GABRA4: variants seen among roughly 807,000 people sequenced by gnomAD.
GABRA4 encodes the protein gamma-aminobutyric acid receptor subunit alpha-4.
A neutral mutation model predicts 49.7 loss-of-function variants in GABRA4; 12 were observed. The ratio of observed to expected loss-of-function variants is 0.24; its 90% CI spans 0.15 to 0.39. The LOEUF is 0.39. Among genes scored for constraint, GABRA4 ranks in the 10% least tolerant of loss-of-function variants. GABRA4 has a pLI of 1.00. For missense variants in GABRA4, 506 were observed against 686.0 expected (o/e 0.74, Z 2.93); for synonymous variants, 288 against 240.2 (o/e 1.20, Z -1.84).
At chr4:46,982,697 G>A (rs190910464) in intron 2 of GABRA4, among the ~76,000 whole-genome samples, 66 of 152,170 alleles carry the variant, frequency 4.3e-4, no homozygotes, top group Admixed American at 1.0e-3. Flanking sequence ...TCATTGGGAG[G>A]CCACTGAGGG....
chr4:46,957,279 T>TA (rs1288274594), intron 8 of GABRA4, among the ~76,000 whole-genome samples: 13 of 2,356 alleles, frequency 5.5e-3, no homozygotes, highest in African/African-American at 0.011. Flanking sequence ...GAAGGATAAA[T>TA]ACAAAAAAAA....
intron 5 of GABRA4, 134 bp from the exon 6 acceptor site, chr4:46,974,509 A>G: frequency 1.2e-6 from 1 of 829,710 alleles, no homozygotes; most frequent in South Asian, 3.2e-5. Context: ...TTTAGTCACT[A>G]TAATTTAGTT....
Position 46,919,692 on chromosome 4 carries a change from T to A in GABRA4, c.*8533A>T, listed in dbSNP as rs1720903530. Reference sequence around the variant, plus strand: ...AAGAAAGAAGGGAATGGACTTCATATTCCTCAGTTTGTACAACACTTCAGC... The same window carrying A: ...AAGAAAGAAGGGAATGGACTTCATAATCCTCAGTTTGTACAACACTTCAGC... On this transcript the variant is annotated 3_prime_UTR_variant, in exon 9 of 9. Transcript: ENST00000264318. The A allele has an allele frequency of 6.6e-6, 1 of 151,672 alleles. No individual in the cohort carries two copies. The highest frequency in any genetic ancestry group is 1.5e-5 in the Non-Finnish European group (1 of 67,616). The allele number at this position is 151,672 out of a possible 1,614,324, so 9.4% of individuals were successfully genotyped here.
chr4:46,948,052 C>T (rs949405125), intron 8 of GABRA4, among the ~76,000 whole-genome samples: 1 of 152,088 alleles, frequency 6.6e-6, no homozygotes, highest in Non-Finnish European at 1.5e-5. Flanking sequence ...TTACTGCATC[C>T]TTTTACTTAC....
intron 2 of GABRA4, 25 bp from the exon 3 acceptor site, chr4:46,979,123 G>C: frequency 6.8e-7 from 1 of 1,469,004 alleles, no homozygotes; most frequent in Middle Eastern, 1.7e-4. Context: ...GTAAATAAGT[G>C]TGAAAAAATA....
intron 8 of GABRA4, among the ~76,000 whole-genome samples, chr4:46,932,719 G>A (rs1026983589): frequency 1.3e-5 from 2 of 152,022 alleles, no homozygotes; most frequent in African/African-American, 2.4e-5. Context: ...TTATTGCCTT[G>A]TCAGACATTA....
chr4:46,968,229 C>T (rs909532250), intron 7 of GABRA4, among the ~76,000 whole-genome samples: 1 of 151,488 alleles, frequency 6.6e-6, no homozygotes, highest in Admixed American at 6.6e-5. Flanking sequence ...TAAGAAAGTA[C>T]CTTCATAGGC....
chr4:46,921,923 A>T lies in GABRA4; in HGVS notation c.*6302T>A, dbSNP rs376734506. ...TTGACTGGCATATATCTTGGGCAGG[A>T]TGTAGATTTCAATAAGTATCATTAT... On this transcript the variant is annotated 3_prime_UTR_variant, in exon 9 of 9. Transcript: ENST00000264318. 2.6e-5 allele frequency: 4 copies of T among 152,226 alleles called. No individual in the cohort carries two copies. The highest frequency in any genetic ancestry group is 9.6e-5 in the African/African-American group (4 of 41,552). 9.4% of individuals were successfully genotyped at this position (152,226 alleles called of 1,614,324 possible).
intron 8 of GABRA4, among the ~76,000 whole-genome samples, chr4:46,933,695 C>T: frequency 6.6e-6 from 1 of 152,134 alleles, no homozygotes; most frequent in Non-Finnish European, 1.5e-5. Context: ...CATTTTGGTG[C>T]AACTAATGTG....
chr4:46,968,673 T>A (rs992218282), intron 7 of GABRA4, among the ~76,000 whole-genome samples: 22 of 151,700 alleles, frequency 1.5e-4, no homozygotes, highest in African/African-American at 5.3e-4. Flanking sequence ...GTAATACTAA[T>A]ATCCTTACTT....
intron 2 of GABRA4, among the ~76,000 whole-genome samples, chr4:46,983,933 G>A (rs1275351353): frequency 1.3e-5 from 2 of 151,990 alleles, no homozygotes; most frequent in Non-Finnish European, 2.9e-5. Flanking sequence ...CAGTTTTTGG[G>A]AAAGAAAGAG....
intron 8 of GABRA4, among the ~76,000 whole-genome samples, chr4:46,938,763 G>T (rs1293260988): frequency 1.3e-5 from 2 of 151,938 alleles, no homozygotes; most frequent in African/African-American, 4.8e-5. Flanking sequence ...GGTCAAGTGG[G>T]TACTAGAAGA....
At chr4:46,942,032 A>C (rs569138640) in intron 8 of GABRA4, among the ~76,000 whole-genome samples, 2 of 152,282 alleles carry the variant, frequency 1.3e-5, no homozygotes, top group East Asian at 3.9e-4. Context: ...CCAGTAGGAC[A>C]CCAATCAGAT....
chr4:46,959,993 A>C (rs542645317), intron 8 of GABRA4, among the ~76,000 whole-genome samples: 69 of 151,450 alleles, frequency 4.6e-4, no homozygotes, highest in South Asian at 2.1e-3. Flanking sequence ...ATTGAAATAC[A>C]TTGTTTTAAA....
chr4:46,936,355 T>G (rs1423043197), intron 8 of GABRA4, among the ~76,000 whole-genome samples: 1 of 152,180 alleles, frequency 6.6e-6, no homozygotes, highest in Admixed American at 6.5e-5. Context: ...GTTCAAGCAA[T>G]TCTCCTGCCT....
chr4:46,952,822 T>C (rs1722217067), intron 8 of GABRA4, among the ~76,000 whole-genome samples: 1 of 151,980 alleles, frequency 6.6e-6, no homozygotes, highest in Admixed American at 6.6e-5. Flanking sequence ...CACATTGCGA[T>C]ATAAATGGAA....
intron 7 of GABRA4, among the ~76,000 whole-genome samples, chr4:46,969,731 T>C (rs913599258): frequency 4.4e-4 from 67 of 151,622 alleles, no homozygotes; most frequent in African/African-American, 1.6e-3. Flanking sequence ...CATAATTTTA[T>C]GAATGGAGAA....
chr4:46,944,580 T>C (rs1321840221), intron 8 of GABRA4, among the ~76,000 whole-genome samples: 2 of 152,146 alleles, frequency 1.3e-5, no homozygotes, highest in Admixed American at 6.6e-5. Context: ...GATGTCTTAG[T>C]TTAGTTCTAG....
chr4:46,981,441 G>A (rs1159457285), intron 2 of GABRA4, among the ~76,000 whole-genome samples: 4 of 151,956 alleles, frequency 2.6e-5, no homozygotes, highest in Non-Finnish European at 5.9e-5. Context: ...TATAACCTTA[G>A]CATTTGTGAC....
Sources: gnomAD v4.1 joint callset for allele counts (sites outside exome capture counted in the v4.1 genomes callset) on GRCh38, gnomAD v4.1.1 for gene constraint, MANE v1.5 for transcripts, NCBI Gene and HGNC (gene_info 2026-07-23, HGNC 2026-07-21) for gene names.